Variants in ZKSCAN1 observed in about 807,000 individuals in gnomAD.
The protein encoded by ZKSCAN1 is zinc finger with KRAB and SCAN domains 1.
A neutral mutation model predicts 51.6 loss-of-function variants in ZKSCAN1; 14 were observed. The ratio of observed to expected loss-of-function variants is 0.27; its 90% confidence interval spans 0.18 to 0.42. ZKSCAN1 has a LOEUF of 0.42. ZKSCAN1 is among the 10% of genes least tolerant of loss of function. ZKSCAN1 has a pLI of 1.00. For missense variants in ZKSCAN1, 531 were observed against 710.0 expected, an observed-to-expected ratio of 0.75 and a Z score of 2.86; for synonymous variants, 263 against 261.5, an observed-to-expected ratio of 1.01 and a Z score of -0.06.
chr7:100,044,046 G>A (rs572928098), downstream of ZKSCAN1, among the ~76,000 whole-genome samples: 15 of 152,058 alleles, frequency 9.9e-5, no homozygotes, highest in South Asian at 3.1e-3. Flanking sequence ...CAGGGTGCTG[G>A]GATGACAGGC....
Position 100,024,090 on chromosome 7 carries a change from T to C in ZKSCAN1, c.427-64T>C, listed in dbSNP as rs148297517. On this transcript the variant is annotated intron_variant, in intron 2 of 5. Transcript: ENST00000324306. Reference sequence around the variant, plus strand: ...TCCACTGGCATACTCATGGTCTGTTTTTAAATATTTTAATTCCCATTTACA... The same window carrying C: ...TCCACTGGCATACTCATGGTCTGTTCTTAAATATTTTAATTCCCATTTACA... 413 of 1,554,998 alleles carry C rather than the reference T, an allele frequency of 2.7e-4. 4 individuals are homozygous for C. Among genetic ancestry groups the C allele is most frequent in the Non-Finnish European group, 1.7e-5 (20 of 1,153,776 alleles).
rs1791401972 is a variant in ZKSCAN1, at chr7:100,037,200, G to A, written c.*3003G>A. 5.1e-6 allele frequency: 5 copies of A among 985,278 alleles called. No individual in the cohort carries two copies. Among genetic ancestry groups the A allele is most frequent in the African/African-American group, 3.5e-5 (2 of 57,224 alleles). The allele number at this position is 985,278 out of a possible 1,614,324, so 61.0% of individuals were successfully genotyped here. A position where few individuals can be genotyped will look rare whatever the true frequency, so the allele number is the denominator to read the frequency against. On this transcript the variant is annotated 3_prime_UTR_variant, in exon 6 of 6. Transcript: ENST00000324306. The stretch of plus-strand genomic sequence containing the variant: ...ATAGTCATTCAAAAGTTCTTGGCCC[G>A]CTGAAGTCTGTTAACAGTTGAAACA...
chr7:100,038,221 G>A lies in ZKSCAN1; in HGVS notation c.*4024G>A, dbSNP rs868839188. ...ACCTTCAGTCCCTTGTTATTGTTCC[G>A]TATATTACCTGTAAGCAGATACTGT... On this transcript the variant is annotated 3_prime_UTR_variant, in exon 6 of 6. Transcript: ENST00000324306. 5.2e-5 allele frequency: 51 copies of A among 985,150 alleles called. No homozygotes were observed. The highest frequency in any genetic ancestry group is 1.2e-4 in the African/African-American group (7 of 57,152). 61.0% of individuals were successfully genotyped at this position (985,150 alleles called of 1,614,324 possible).
intron 5 of ZKSCAN1, among the ~76,000 whole-genome samples, chr7:100,032,154 A>G (rs1297946042): frequency 6.6e-6 from 1 of 152,250 alleles, no homozygotes; most frequent in African/African-American, 2.4e-5. Flanking sequence ...AATTGGAGAA[A>G]TATTTACTAT....
At position 100,023,498 on chromosome 7, in the gene ZKSCAN1, G is replaced by A; in HGVS notation, c.-9G>A. The A allele has an allele frequency of 1.2e-6, 2 of 1,604,616 alleles. No individual in the cohort carries two copies. Among genetic ancestry groups the A allele is most frequent in the Non-Finnish European group, 1.7e-6 (2 of 1,175,924 alleles). On this transcript the variant is annotated 5_prime_UTR_variant, in exon 2 of 6. Coordinates refer to ENST00000324306, the MANE Select transcript of ZKSCAN1 (RefSeq NM_003439.4). ...CCCTGTTTGGATCAAGTCAGTTCCT[G>A]GAGCCTGAATGATGACTGCTGAATC...
At chr7:100,021,671 T>C (rs2115835228) in intron 1 of ZKSCAN1, among the ~76,000 whole-genome samples, 1 of 152,260 alleles carries the variant, frequency 6.6e-6, no homozygotes, top group African/African-American at 2.4e-5. Flanking sequence ...ATCTGTGCCA[T>C]TTTCTTCTTG....
chr7:100,026,175 G>A (rs756849435), intron 3 of ZKSCAN1, among the ~76,000 whole-genome samples: 13 of 138,280 alleles, frequency 9.4e-5, no homozygotes, highest in Non-Finnish European at 1.7e-4. Flanking sequence ...AGCCAAAATC[G>A]CACCATTGTC....
At chr7:100,029,345 G>A (rs1255155959) in intron 3 of ZKSCAN1, among the ~76,000 whole-genome samples, 3 of 151,792 alleles carry the variant, frequency 2.0e-5, no homozygotes, top group East Asian at 1.9e-4. Context: ...CTGCAGCCTC[G>A]ACCCCTTGAG....
At position 100,036,689 on chromosome 7, in the gene ZKSCAN1, C is replaced by T. The variant is rs191418930; in HGVS notation, c.*2492C>T. 1 of 973,498 alleles carries T rather than the reference C, an allele frequency of 1.0e-6. No individual in the cohort carries two copies. Among genetic ancestry groups the T allele is most frequent in the East Asian group, 1.1e-4 (1 of 8,760 alleles). 60.3% of individuals were successfully genotyped at this position (973,498 alleles called of 1,614,324 possible). A position where few individuals can be genotyped will look rare whatever the true frequency, so the allele number is the denominator to read the frequency against. On this transcript the variant is annotated 3_prime_UTR_variant, in exon 6 of 6. Transcript: ENST00000324306. ...GCCAAGATTGCACACTGCACTCCAG[C>T]CTGGGTGACTAGCAAAACTCCATCT...
At chr7:100,030,515 G>A (rs1164181083) in intron 5 of ZKSCAN1, 140 bp downstream of exon 5, 6 of 1,103,414 alleles carry the variant, frequency 5.4e-6, no homozygotes, top group Non-Finnish European at 6.2e-6. Context: ...TGGAAAGTGA[G>A]AATGTTTGTG....
chr7:100,029,799 CCTT>C (rs751237505), intron 3 of ZKSCAN1, 59 bp from the exon 4 acceptor site: 4 of 1,514,026 alleles, frequency 2.6e-6, no homozygotes, highest in Non-Finnish European at 3.6e-6. Context: ...TGCCCCGAGC[CCTT>C]CTTTGAGCAA....
Position 100,036,773 on chromosome 7 carries a change from G to A in ZKSCAN1, c.*2576G>A, listed in dbSNP as rs1381667307. The A allele has an allele frequency of 1.0e-5, 10 of 982,046 alleles. No individual in the cohort carries two copies. The highest frequency in any genetic ancestry group is 3.5e-5 in the African/African-American group (2 of 56,584). The allele number at this position is 982,046 out of a possible 1,614,324, so 60.8% of individuals were successfully genotyped here. On this transcript the variant is annotated 3_prime_UTR_variant, in exon 6 of 6. Transcript: ENST00000324306. ...AGTGAGGTGTGGAACTCCAGGCAAC[G>A]ACCCAAGCACTTATTTTTTAAGAGG...
rs1790680422 is a variant in ZKSCAN1 at position 100,023,560 on chromosome 7, G to A, written c.54G>A (p.Gln18=). The change falls in exon 2 of 6, where the codon CAG becomes CAA. Residue 18 remains glutamine, a synonymous_variant. Transcript: ENST00000324306. ...CGGGTCTGTCCCCACAGGCTGCACA[G>A]GAGAAGGATGGTATCGTAATAGTGA... ...EATGLSPQAA[Q]EKDGIVIVKV... 1.2e-6 allele frequency: 2 copies of A among 1,613,480 alleles called. No individual in the cohort carries two copies. Among genetic ancestry groups the A allele is most frequent in the Non-Finnish European group, 1.7e-6 (2 of 1,180,046 alleles).
chr7:100,023,610 A>C lies in ZKSCAN1; in HGVS notation c.104A>C (p.Asp35Ala), dbSNP rs1477394492. 1 of 1,613,940 alleles carries C rather than the reference A, an allele frequency of 6.2e-7. No homozygotes were observed. The highest frequency in any genetic ancestry group is 2.2e-5 in the East Asian group (1 of 44,874). ...AAGGTGGAAGAGGAAGATGAGGAAGACCACATGTGGGGGCAGGATTCCACC... is the reference window on the plus strand; with the variant it reads ...AAGGTGGAAGAGGAAGATGAGGAAGCCCACATGTGGGGGCAGGATTCCACC... Reference protein sequence around the residue: ...IVKVEEEDEEDHMWGQDSTLQ... With the variant: ...IVKVEEEDEEAHMWGQDSTLQ... The change falls in exon 2 of 6, where the codon GAC (aspartate) becomes GCC (alanine). Residue 35 changes from aspartate to alanine, a missense_variant. By Grantham distance (126) the Asp-to-Ala change is moderately radical (BLOSUM62 -2). Transcript: ENST00000324306.
chr7:100,021,838 G>A (rs1790604911), intron 1 of ZKSCAN1, among the ~76,000 whole-genome samples: 1 of 150,642 alleles, frequency 6.6e-6, no homozygotes, highest in African/African-American at 2.4e-5. Context: ...TCAAACTTCT[G>A]GTTTCATGCA....
chr7:100,029,745 G>A (rs1005793467), intron 3 of ZKSCAN1, 116 bp from the exon 4 acceptor site: 2 of 917,850 alleles, frequency 2.2e-6, no homozygotes, highest in African/African-American at 3.3e-5. Context: ...CTGTATTTGG[G>A]ACCTAAACAC....
In ZKSCAN1 at chr7:100,038,214, T is replaced by C; in HGVS notation, c.*4017T>C. 1 of 985,484 alleles carries C rather than the reference T, an allele frequency of 1.0e-6. No homozygotes were observed. Among genetic ancestry groups the C allele is most frequent in the Non-Finnish European group, 1.2e-6 (1 of 829,944 alleles). The allele number at this position is 985,484 out of a possible 1,614,324, so 61.0% of individuals were successfully genotyped here. ...GTTTTGTACCTTCAGTCCCTTGTTA[T>C]TGTTCCGTATATTACCTGTAAGCAG... On this transcript the variant is annotated 3_prime_UTR_variant, in exon 6 of 6. Transcript: ENST00000324306.
intron 1 of ZKSCAN1, among the ~76,000 whole-genome samples, chr7:100,022,469 A>G (rs566562760): frequency 1.3e-5 from 2 of 152,384 alleles, no homozygotes; most frequent in African/African-American, 4.8e-5. Flanking sequence ...AAGTAAGTGT[A>G]TTAGTGTCAA....
chr7:100,022,747 G>C (rs150928944), intron 1 of ZKSCAN1, among the ~76,000 whole-genome samples: 1 of 152,136 alleles, frequency 6.6e-6, no homozygotes, highest in South Asian at 2.1e-4. Flanking sequence ...CAGTTTGGCC[G>C]ACCTGCTAGG....
Sources: gnomAD v4.1 joint callset for allele counts (sites outside exome capture counted in the v4.1 genomes callset) on GRCh38, gnomAD v4.1.1 for gene constraint, MANE v1.5 for transcripts, NCBI Gene and HGNC (gene_info 2026-07-23, HGNC 2026-07-21) for gene names.